The following IRAK1BP1 variants were observed in gnomAD, a reference collection of about 807,000 sequenced individuals.
IRAK1BP1 encodes the protein interleukin-1 receptor-associated kinase 1-binding protein 1.
A neutral mutation model predicts 28.0 loss-of-function variants in IRAK1BP1; 24 were observed. That is an observed-to-expected ratio of 0.86 (90% CI 0.62 to 1.20). IRAK1BP1 has a LOEUF of 1.20. Ranked by LOEUF, IRAK1BP1 falls within the 50% of genes most tolerant of loss-of-function variation. IRAK1BP1 has a pLI of 0.00. For missense variants in IRAK1BP1, 336 were observed against 316.7 expected, an observed-to-expected ratio of 1.06 and a Z score of -0.46; for synonymous variants, 131 against 116.3, an observed-to-expected ratio of 1.13 and a Z score of -0.81.
chr6:78,884,835 G>A (rs1771360086), intron 1 of IRAK1BP1, among the ~76,000 whole-genome samples: 1 of 152,024 alleles, frequency 6.6e-6, no homozygotes, highest in South Asian at 2.1e-4. Context: ...ATTGCTCATA[G>A]ATATCACCCT....
At chr6:78,875,478 C>G (rs1770964268) in intron 1 of IRAK1BP1, among the ~76,000 whole-genome samples, 1 of 149,744 alleles carries the variant, frequency 6.7e-6, no homozygotes, top group Non-Finnish European at 1.5e-5. Context: ...ATGGAATCAA[C>G]CCAGGTGCCC....
the IRAK1BP1 span, among the ~76,000 whole-genome samples, chr6:78,953,246 G>A: frequency 5.9e-3 from 895 of 152,068 alleles, 4 homozygotes; most frequent in African/African-American, 0.02. Flanking sequence ...TTCATTCAGG[G>A]TACAGTTCTT....
At chr6:78,929,849 C>T (rs980541593) in intron 4 of IRAK1BP1, among the ~76,000 whole-genome samples, 2 of 152,120 alleles carry the variant, frequency 1.3e-5, no homozygotes, top group African/African-American at 2.4e-5. Flanking sequence ...AACATATAAG[C>T]TAATATTACT....
chr6:78,978,409 A>G, the IRAK1BP1 span, among the ~76,000 whole-genome samples: 21 of 152,248 alleles, frequency 1.4e-4, no homozygotes, highest in African/African-American at 5.1e-4. Context: ...GATTTACAGC[A>G]GCTTCAAAGA....
chr6:78,924,731 G>C (rs1242599435), intron 4 of IRAK1BP1, among the ~76,000 whole-genome samples: 1 of 152,130 alleles, frequency 6.6e-6, no homozygotes, highest in Non-Finnish European at 1.5e-5. Context: ...TGATCAAGTG[G>C]GCTTCATCCC....
At chr6:78,971,191 A>G in the IRAK1BP1 span, among the ~76,000 whole-genome samples, 25 of 152,326 alleles carry the variant, frequency 1.6e-4, no homozygotes, top group East Asian at 4.0e-3. Context: ...ACGTTGACTA[A>G]TAAGTTTATT....
intron 1 of IRAK1BP1, among the ~76,000 whole-genome samples, chr6:78,876,484 A>C (rs1771008197): frequency 6.6e-6 from 1 of 152,240 alleles, no homozygotes; most frequent in African/African-American, 2.4e-5. Context: ...TAGCTTAATC[A>C]AGAAAACTTA....
intron 4 of IRAK1BP1, among the ~76,000 whole-genome samples, chr6:78,924,029 A>G (rs938451732): frequency 7.2e-5 from 11 of 152,202 alleles, no homozygotes; most frequent in Non-Finnish European, 1.5e-4. Flanking sequence ...AAGAGCAAAC[A>G]CATTCAAAAG....
intron 4 of IRAK1BP1, among the ~76,000 whole-genome samples, chr6:78,945,111 T>C (rs1773729620): frequency 6.6e-6 from 1 of 151,552 alleles, no homozygotes; most frequent in Non-Finnish European, 1.5e-5. Context: ...TGAGACAGGG[T>C]CTCATTCTGT....
the IRAK1BP1 span, among the ~76,000 whole-genome samples, chr6:78,963,423 A>T: frequency 6.6e-6 from 1 of 152,166 alleles, no homozygotes; most frequent in African/African-American, 2.4e-5. Flanking sequence ...CTAAAATTTA[A>T]ATTAATTTTT....
intron 1 of IRAK1BP1, among the ~76,000 whole-genome samples, chr6:78,878,355 C>T (rs1394255310): frequency 6.6e-6 from 1 of 152,212 alleles, no homozygotes; most frequent in Non-Finnish European, 1.5e-5. Context: ...TGCTGTTCTG[C>T]AGCCTCCGCT....
chr6:78,895,643 A>G (rs1415282300), intron 2 of IRAK1BP1, among the ~76,000 whole-genome samples: 2 of 152,174 alleles, frequency 1.3e-5, no homozygotes, highest in Non-Finnish European at 2.9e-5. Context: ...AAAAAATCAC[A>G]TGATTATCTC....
chr6:78,951,972 C>A, the IRAK1BP1 span, among the ~76,000 whole-genome samples: 1 of 152,148 alleles, frequency 6.6e-6, no homozygotes, highest in Non-Finnish European at 1.5e-5. Flanking sequence ...TTGGAGCAGT[C>A]TCAGGTCTCC....
chr6:78,959,812 C>T, the IRAK1BP1 span, among the ~76,000 whole-genome samples: 5 of 152,102 alleles, frequency 3.3e-5, no homozygotes, highest in Admixed American at 1.3e-4. Flanking sequence ...CCTCAACTAA[C>T]GATGGTGTTA....
At chr6:78,913,978 A>G (rs1296457684) in intron 4 of IRAK1BP1, among the ~76,000 whole-genome samples, 1 of 152,218 alleles carries the variant, frequency 6.6e-6, no homozygotes, top group Admixed American at 6.5e-5. Flanking sequence ...ACAACATTAT[A>G]CTAAGCTAAA....
chr6:78,878,160 G>A (rs754911893), intron 1 of IRAK1BP1, among the ~76,000 whole-genome samples: 10 of 152,144 alleles, frequency 6.6e-5, no homozygotes, highest in Admixed American at 1.3e-4. Flanking sequence ...CTCCCAGCAC[G>A]GAGTTTGAGA....
At position 78,875,614 on chromosome 6, in the gene IRAK1BP1, C is replaced by T. The variant is rs555895730; in HGVS notation, c.315+7723C>T. On this transcript the variant is annotated intron_variant, in intron 1 of 3. Coordinates refer to ENST00000369940, the MANE Select transcript of IRAK1BP1 (RefSeq NM_001010844.4). ...ATAAGGCTTGAAGCCATTATCCTAC[C>T]CCAGTGCAGAAACAGAAAACCACAT... Among the ~76,000 whole-genome samples, 6 of 152,186 alleles carry T rather than the reference C, an allele frequency of 3.9e-5. No homozygotes were observed. The East Asian group carries it at 1.2e-3, about 29-fold the overall frequency.
chr6:78,897,733 C>T (rs2127654487), intron 2 of IRAK1BP1, 96 bp from the exon 3 acceptor site: 1 of 975,718 alleles, frequency 1.0e-6, no homozygotes, highest in Admixed American at 2.6e-5. Context: ...ATAAAATGAC[C>T]TCATAGTCTG....
intron 2 of IRAK1BP1, 96 bp downstream of exon 2, chr6:78,885,539 G>C: frequency 1.8e-6 from 1 of 554,608 alleles, no homozygotes. Flanking sequence ...TGCTTCTCAT[G>C]ATATTAATAG....
Sources: allele counts gnomAD v4.1 joint callset (sites outside exome capture counted in the v4.1 genomes callset), GRCh38; gene constraint gnomAD v4.1.1; transcripts MANE v1.5; gene names NCBI Gene and HGNC (gene_info 2026-07-23, HGNC 2026-07-21).